JAKMIP1: variants seen among roughly 807,000 people sequenced by gnomAD.
JAKMIP1 encodes janus kinase and microtubule interacting protein 1.
A neutral mutation model predicts 113.0 loss-of-function variants in JAKMIP1; 33 were observed. The ratio of observed to expected loss-of-function variants is 0.29; its 90% CI spans 0.22 to 0.39. The LOEUF (loss-of-function observed/expected upper bound fraction) is 0.39. Among genes scored for constraint, JAKMIP1 ranks in the 10% least tolerant of loss-of-function variants. The pLI, the probability that JAKMIP1 is intolerant of heterozygous loss-of-function variation, is 1.00. For missense variants in JAKMIP1, 813 were observed against 1,080.5 expected (o/e 0.75, Z 3.47); for synonymous variants, 480 against 459.9 (o/e 1.04, Z -0.56).
intron 3 of JAKMIP1, among the ~76,000 whole-genome samples, chr4:6,090,767 G>A (rs931939735): frequency 6.6e-6 from 1 of 151,680 alleles, no homozygotes; most frequent in Non-Finnish European, 1.5e-5. Flanking sequence ...GCTGCCCCAG[G>A]TTGACCATAA....
At chr4:6,148,735 C>A (rs1380516927) in intron 1 of JAKMIP1, among the ~76,000 whole-genome samples, 1 of 152,264 alleles carries the variant, frequency 6.6e-6, no homozygotes, top group Non-Finnish European at 1.5e-5. Flanking sequence ...CCAACTCCCA[C>A]CCGCACACCC....
chr4:6,119,451 G>T (rs1386299304), intron 1 of JAKMIP1, among the ~76,000 whole-genome samples: 1 of 152,180 alleles, frequency 6.6e-6, no homozygotes, highest in South Asian at 2.1e-4. Flanking sequence ...GGCTGAGCCA[G>T]GAGAATCGCT....
At chr4:6,148,672 A>G (rs958921517) in intron 1 of JAKMIP1, among the ~76,000 whole-genome samples, 12 of 152,236 alleles carry the variant, frequency 7.9e-5, no homozygotes, top group African/African-American at 1.4e-4. Flanking sequence ...AGGAGCCCCA[A>G]TAAACGGCAG....
rs1725895479 is a variant in JAKMIP1, at chr4:6,180,498, C to T, written c.-148+19755G>A. ...AGAAGAATTAAGCACCATAACAACA[C>T]AGACACCCCTCTCCCATCAGATAAT... On this transcript the variant is annotated intron_variant, in intron 1 of 20. Coordinates refer to ENST00000409021, the MANE Select transcript of JAKMIP1 (RefSeq NM_001099433.2). The surrounding 1 kb of genome is among the most constrained non-coding windows in gnomAD (Gnocchi z 4.5). Among the ~76,000 whole-genome samples, 1 of 152,220 alleles carries T rather than the reference C, an allele frequency of 6.6e-6. No individual in the cohort carries two copies. Among genetic ancestry groups the T allele is most frequent in the Non-Finnish European group, 1.5e-5 (1 of 68,048 alleles).
At chr4:6,062,515 T>C in intron 9 of JAKMIP1, 75 bp from the exon 10 acceptor site, 1 of 1,469,190 alleles carries the variant, frequency 6.8e-7, no homozygotes, top group Non-Finnish European at 9.4e-7. Flanking sequence ...TTGATTTTAA[T>C]AATAAACATA....
intron 3 of JAKMIP1, among the ~76,000 whole-genome samples, chr4:6,099,915 G>A (rs1291419867): frequency 2.0e-5 from 3 of 152,130 alleles, no homozygotes; most frequent in African/African-American, 4.8e-5. Context: ...CGAGGGGCAC[G>A]GCTGCTCCAC....
chr4:6,141,135 C>T lies in JAKMIP1; in HGVS notation c.-147-28138G>A, dbSNP rs1383544803. Among the ~76,000 whole-genome samples the T allele has an allele frequency of 6.6e-6, 1 of 152,194 alleles. No individual in the cohort carries two copies. Among genetic ancestry groups the T allele is most frequent in the Non-Finnish European group, 1.5e-5 (1 of 68,050 alleles). ...GCGTAGAATGAGAAGCAGCTACCAA[C>T]ATTTAAAGTGGTAGACGAGGCCGGG... is the stretch of plus-strand genomic sequence containing the variant. On this transcript the variant is annotated intron_variant, in intron 1 of 20. Coordinates refer to ENST00000409021, the MANE Select transcript of JAKMIP1 (RefSeq NM_001099433.2). This position sits in a 1 kb window ranked among gnomAD's most constrained non-coding sequence, Gnocchi z 9.4.
intron 1 of JAKMIP1, among the ~76,000 whole-genome samples, chr4:6,152,664 G>A (rs867094895): frequency 6.6e-6 from 1 of 151,628 alleles, no homozygotes; most frequent in Middle Eastern, 3.4e-3. Context: ...CATCCTGGCC[G>A]AGTGTGGTGC....
rs956832953 is a variant in JAKMIP1, at chr4:6,143,038, G to A, written c.-147-30041C>T. Among the ~76,000 whole-genome samples the A allele has an allele frequency of 6.6e-5, 10 of 152,136 alleles. No homozygotes were observed. The highest frequency in any genetic ancestry group is 2.4e-4 in the African/African-American group (10 of 41,434). ...GGGGGCAGCCTGGTGGACTCTGGAA[G>A]GCTGAAGTTCAACACAGACTCTGGC... On this transcript the variant is annotated intron_variant, in intron 1 of 20. Transcript: ENST00000409021. The surrounding 1 kb of genome is among the most constrained non-coding windows in gnomAD (Gnocchi z 4.9).
intron 13 of JAKMIP1, 192 bp downstream of exon 13, chr4:6,053,858 A>G (rs1715985435): frequency 1.4e-6 from 2 of 1,472,612 alleles, no homozygotes; most frequent in Non-Finnish European, 1.8e-6. Context: ...CGCTCTCCAG[A>G]ACACATTAAG....
At chr4:6,035,157 A>G (rs1713244854) in intron 19 of JAKMIP1, among the ~76,000 whole-genome samples, 1 of 150,488 alleles carries the variant, frequency 6.6e-6, no homozygotes, top group Non-Finnish European at 1.5e-5. Context: ...CTCTGCCCGC[A>G]TCCCCCTTCT....
rs138784438 is a variant in JAKMIP1, at chr4:6,097,919, C to T, written c.624+7554G>A. Among the ~76,000 whole-genome samples the T allele has an allele frequency of 1.3e-3, 194 of 152,244 alleles. No individual in the cohort carries two copies. Among genetic ancestry groups the T allele is most frequent in the African/African-American group, 4.2e-3 (175 of 41,556 alleles). Reference sequence around the variant, plus strand: ...GTAGTGAAAGCTCTCTCCGTGGAACCGGAAAGAATAATTAAAATGCAATGC... The same window carrying T: ...GTAGTGAAAGCTCTCTCCGTGGAACTGGAAAGAATAATTAAAATGCAATGC... On this transcript the variant is annotated intron_variant, in intron 3 of 20. Transcript: ENST00000409021. This position sits in a 1 kb window ranked among gnomAD's most constrained non-coding sequence, Gnocchi z 4.3.
At chr4:6,101,889 G>C (rs1713101503) in intron 3 of JAKMIP1, among the ~76,000 whole-genome samples, 1 of 132,966 alleles carries the variant, frequency 7.5e-6, no homozygotes, top group Admixed American at 8.3e-5. Flanking sequence ...CTGAGCAACA[G>C]AGCAAGACTC....
intron 3 of JAKMIP1, among the ~76,000 whole-genome samples, chr4:6,087,008 T>C (rs1721398916): frequency 1.3e-5 from 2 of 152,110 alleles, no homozygotes; most frequent in African/African-American, 4.8e-5. Flanking sequence ...TCCAGAACTG[T>C]ATAGGAACAC....
chr4:6,074,837 G>A (rs1317123464), intron 8 of JAKMIP1, among the ~76,000 whole-genome samples: 2 of 152,140 alleles, frequency 1.3e-5, no homozygotes, highest in Admixed American at 1.3e-4. Flanking sequence ...AAATACCATT[G>A]GATTACAACT....
At chr4:6,170,484 C>A (rs1352777017) in intron 1 of JAKMIP1, among the ~76,000 whole-genome samples, 2 of 148,274 alleles carry the variant, frequency 1.3e-5, no homozygotes, top group African/African-American at 2.5e-5. Flanking sequence ...ACCCTCACAA[C>A]CACCCCCAGC....
chr4:6,048,732 A>T, intron 16 of JAKMIP1, 125 bp downstream of exon 16: 4 of 738,658 alleles, frequency 5.4e-6, no homozygotes, highest in Non-Finnish European at 9.4e-6. Flanking sequence ...ATGCATGTGC[A>T]CGTGCAGACG....
rs537400847 is a variant in JAKMIP1, at chr4:6,049,491, G to A, written c.1962+328C>T. On this transcript the variant is annotated intron_variant, in intron 15 of 20. Coordinates refer to ENST00000409021, the MANE Select transcript of JAKMIP1 (RefSeq NM_001099433.2). This position sits in a 1 kb window ranked among gnomAD's most constrained non-coding sequence, Gnocchi z 7.0. ...AAGCTTTTGTGAAACATGGCTACAT[G>A]CAAGCTCATCTTTCAGGACGGCAAA... 7.2e-5 allele frequency among the ~76,000 whole-genome samples: 11 copies of A among 152,044 alleles called. No individual in the cohort carries two copies. Among genetic ancestry groups the A allele is most frequent in the Non-Finnish European group, 1.6e-4 (11 of 68,018 alleles).
intron 4 of JAKMIP1, among the ~76,000 whole-genome samples, chr4:6,085,173 C>G (rs1721117634): frequency 6.6e-6 from 1 of 152,114 alleles, no homozygotes; most frequent in Non-Finnish European, 1.5e-5. Context: ...ACTTCAAACC[C>G]TTCCGTGGCT....
Sources: gnomAD v4.1 joint callset for allele counts (sites outside exome capture counted in the v4.1 genomes callset) on GRCh38, gnomAD v4.1.1 for gene constraint, Gnocchi (gnomAD v3.1) non-coding constraint, MANE v1.5 for transcripts, NCBI Gene and HGNC (gene_info 2026-07-23, HGNC 2026-07-21) for gene names.